Variants in NTRK2 observed in about 807,000 individuals in gnomAD.
NTRK2 encodes the protein neurotrophic receptor tyrosine kinase 2.
Under a neutral mutation model 94.5 loss-of-function variants are expected in NTRK2, and 13 were observed. That is an observed-to-expected ratio of 0.14 (90% CI 0.09 to 0.22). The LOEUF (loss-of-function observed/expected upper bound fraction) is 0.22, where lower values mean the gene tolerates loss of function less well. Among genes scored for constraint, NTRK2 ranks in the 10% least tolerant of loss-of-function variants. The pLI is 1.00. For missense variants in NTRK2, 639 were observed against 1,071.2 expected (o/e 0.60, Z 5.63); for synonymous variants, 372 against 407.4 (o/e 0.91, Z 1.05).
At chr9:84,870,097 C>CTATATATATA (rs67434914) in intron 14 of NTRK2, among the ~76,000 whole-genome samples, 256 of 99,656 alleles carry the variant, frequency 2.6e-3, no homozygotes, top group Middle Eastern at 0.013. Context: ...TTCCCATTGA[C>CTATATATATA]TATATATATA....
At chr9:84,920,552 C>T (rs775637386) in intron 14 of NTRK2, among the ~76,000 whole-genome samples, 5 of 152,182 alleles carry the variant, frequency 3.3e-5, no homozygotes, top group Non-Finnish European at 7.3e-5. Context: ...CTATTCTAGC[C>T]TCCACCAAAT....
intron 15 of NTRK2, among the ~76,000 whole-genome samples, chr9:84,942,783 T>A (rs2078456615): frequency 1.3e-5 from 2 of 151,824 alleles, no homozygotes; most frequent in Non-Finnish European, 1.5e-5. Context: ...GTTTTTTTTT[T>A]ACCTAAAATA....
chr9:84,815,251 C>T (rs1238636116), intron 12 of NTRK2: 1 of 1,054,900 alleles, frequency 9.5e-7, no homozygotes, highest in African/African-American at 1.7e-5. Context: ...GAGTGAGCAC[C>T]CAGAATGTGT....
At chr9:85,000,828 A>G (rs1830255490) in intron 17 of NTRK2, among the ~76,000 whole-genome samples, 1 of 152,186 alleles carries the variant, frequency 6.6e-6, no homozygotes, top group Non-Finnish European at 1.5e-5. Context: ...GCTTTGTAAG[A>G]CACTGCCAAA....
chr9:85,016,182 G>A (rs1832205129), intron 17 of NTRK2, among the ~76,000 whole-genome samples: 1 of 152,122 alleles, frequency 6.6e-6, no homozygotes, highest in Non-Finnish European at 1.5e-5. Flanking sequence ...AGTAACCAAG[G>A]GCTGCCCTAA....
chr9:84,677,860 T>C (rs139309202), intron 2 of NTRK2, among the ~76,000 whole-genome samples: 54 of 152,352 alleles, frequency 3.5e-4, no homozygotes, highest in African/African-American at 1.3e-3. Context: ...CAGTCTGATA[T>C]ATATTGTGAA....
chr9:84,834,164 A>G (rs2073737657), intron 12 of NTRK2, among the ~76,000 whole-genome samples: 2 of 152,234 alleles, frequency 1.3e-5, no homozygotes, highest in Admixed American at 1.3e-4. Flanking sequence ...TAAGGTTGCC[A>G]GATTTAGCAA....
chr9:84,829,710 G>A (rs557899050), intron 12 of NTRK2, among the ~76,000 whole-genome samples: 5 of 152,306 alleles, frequency 3.3e-5, no homozygotes, highest in African/African-American at 4.8e-5. Flanking sequence ...GATGGATGGC[G>A]GGGGTCCATC....
chr9:84,821,016 A>C (rs955438930), intron 12 of NTRK2, among the ~76,000 whole-genome samples: 1 of 152,194 alleles, frequency 6.6e-6, no homozygotes, highest in Non-Finnish European at 1.5e-5. Flanking sequence ...AGCTAGCCAT[A>C]AGATCTCTGC....
chr9:84,764,145 C>T (rs1486899557), intron 12 of NTRK2, among the ~76,000 whole-genome samples: 2 of 152,180 alleles, frequency 1.3e-5, no homozygotes, highest in African/African-American at 2.4e-5. Context: ...GGTTGTTACA[C>T]TATCAGTGGA....
At chr9:84,800,952 C>T (rs181522917) in intron 12 of NTRK2, among the ~76,000 whole-genome samples, 38 of 152,288 alleles carry the variant, frequency 2.5e-4, no homozygotes, top group Admixed American at 1.2e-3. Context: ...GAGCAAAGTT[C>T]CTTTCCATGA....
At chr9:84,930,277 A>C (rs1396842776) in intron 14 of NTRK2, among the ~76,000 whole-genome samples, 1 of 152,236 alleles carries the variant, frequency 6.6e-6, no homozygotes, top group Non-Finnish European at 1.5e-5. Flanking sequence ...ATGGCAGCCC[A>C]GTGTTGTTAC....
chr9:84,943,302 C>A (rs1219117894), intron 15 of NTRK2, among the ~76,000 whole-genome samples: 1 of 152,198 alleles, frequency 6.6e-6, no homozygotes, highest in Non-Finnish European at 1.5e-5. Context: ...ACTAGCTTTC[C>A]ATTAACCTTA....
At chr9:84,698,670 G>A (rs2060538510) in intron 2 of NTRK2, among the ~76,000 whole-genome samples, 1 of 152,140 alleles carries the variant, frequency 6.6e-6, no homozygotes, top group South Asian at 2.1e-4. Context: ...CAATTTCAGA[G>A]AAATTTCATC....
intron 12 of NTRK2, among the ~76,000 whole-genome samples, chr9:84,822,115 G>A (rs990876979): frequency 6.6e-6 from 1 of 152,160 alleles, no homozygotes; most frequent in African/African-American, 2.4e-5. Flanking sequence ...GAGCAAGATA[G>A]GTAATGCATA....
intron 12 of NTRK2, among the ~76,000 whole-genome samples, chr9:84,792,285 G>C (rs752392741): frequency 8.5e-5 from 13 of 152,198 alleles, no homozygotes; most frequent in Non-Finnish European, 1.9e-4. Flanking sequence ...GATATACTGA[G>C]ATAATAATGA....
At chr9:84,936,227 CT>C (rs1433980987) in intron 15 of NTRK2, among the ~76,000 whole-genome samples, 1 of 152,234 alleles carries the variant, frequency 6.6e-6, no homozygotes, top group Non-Finnish European at 1.5e-5. Context: ...CTTAGTACCA[CT>C]TCTTGCCCTG....
intron 14 of NTRK2, among the ~76,000 whole-genome samples, chr9:84,932,313 G>A (rs963293210): frequency 2.0e-5 from 3 of 152,184 alleles, no homozygotes; most frequent in African/African-American, 4.8e-5. Context: ...TTCAAGATCT[G>A]CAAGAATTCG....
chr9:84,859,861 T>C (rs979844444), intron 12 of NTRK2, among the ~76,000 whole-genome samples: 1 of 152,204 alleles, frequency 6.6e-6, no homozygotes, highest in African/African-American at 2.4e-5. Flanking sequence ...AAGGAATCTT[T>C]ATTTGGCTTT....
Sources: gnomAD v4.1 joint callset for allele counts (sites outside exome capture counted in the v4.1 genomes callset) on GRCh38, gnomAD v4.1.1 for gene constraint, MANE v1.5 for transcripts, NCBI Gene and HGNC (gene_info 2026-07-23, HGNC 2026-07-21) for gene names.